CCNH: variants seen among roughly 807,000 people sequenced by gnomAD.
CCNH encodes cyclin-H.
Under a neutral mutation model 41.9 loss-of-function variants are expected in CCNH, and 31 were observed. The observed-to-expected ratio is 0.74, with a 90% CI of 0.56 to 1.00. The LOEUF (loss-of-function observed/expected upper bound fraction) is 1.00, where lower values mean the gene tolerates loss of function less well. Ranked by LOEUF, CCNH falls within the 50% of genes least tolerant of loss-of-function variation. The probability of loss-of-function intolerance (pLI) is 0.00; values close to 1 mark genes in which losing one functional copy is unlikely to be tolerated. For missense variants in CCNH, 362 were observed against 388.4 expected (o/e 0.93, Z 0.57); for synonymous variants, 138 against 136.1 (o/e 1.01, Z -0.10).
At chr5:87,352,781 G>A (rs1759368302) in intron 9 of CCNH, among the ~76,000 whole-genome samples, 1 of 151,292 alleles carries the variant, frequency 6.6e-6, no homozygotes, top group Non-Finnish European at 1.5e-5. Flanking sequence ...CTAAATAAAT[G>A]CCATGTTTCT....
At position 87,384,536 on chromosome 5, in the gene CCNH, C is replaced by T. The variant is rs184909478; in HGVS notation, c.*90+8234G>A. On this transcript the variant is annotated intron_variant and NMD_transcript_variant, in intron 9 of 9. Coordinates refer to the CCNH transcript ENST00000645953. ...ACATCTCTGTAATTATCTTTTATTG[C>T]TACTAAAGTGGTTAAATCTATAAAT... Among the ~76,000 whole-genome samples, 506 of 152,160 alleles carry T rather than the reference C, an allele frequency of 3.3e-3. 1 individual carries two copies. The highest frequency in any genetic ancestry group is 5.0e-3 in the Non-Finnish European group (339 of 67,968).
intron 9 of CCNH, among the ~76,000 whole-genome samples, chr5:87,327,962 G>A (rs535529929): frequency 4.8e-4 from 70 of 145,748 alleles, no homozygotes; most frequent in African/African-American, 1.7e-3. Context: ...GCAAGACTCC[G>A]TTTCCCAAAA....
intron 9 of CCNH, among the ~76,000 whole-genome samples, chr5:87,344,466 G>A (rs1390645272): frequency 1.3e-5 from 2 of 152,032 alleles, no homozygotes; most frequent in Non-Finnish European, 2.9e-5. Context: ...CTTATCATCT[G>A]TAGTTTCCTA....
In CCNH at chr5:87,356,422, C is replaced by G. The variant is rs189873794; in HGVS notation, c.*90+36348G>C. On this transcript the variant is annotated intron_variant and NMD_transcript_variant, in intron 9 of 9. Transcript: ENST00000645953. ...TTCTCCCTCCGGAGTCAGGGTCTTG[C>G]GCTGTGGCTGAGGCTGGAGTACAGT... 1.2e-3 allele frequency among the ~76,000 whole-genome samples: 174 copies of G among 150,432 alleles called. 1 individual carries two copies. The highest frequency in any genetic ancestry group is 4.2e-3 in the African/African-American group (170 of 40,778).
At chr5:87,411,964 G>A (rs368826195) in intron 1 of CCNH, among the ~76,000 whole-genome samples, 4 of 152,270 alleles carry the variant, frequency 2.6e-5, no homozygotes, top group Admixed American at 2.0e-4. Flanking sequence ...TCCGAGAGCT[G>A]TAACAGAAGG....
At chr5:87,356,383 ATTTT>A (rs11409141) in intron 9 of CCNH, among the ~76,000 whole-genome samples, 1 of 141,720 alleles carries the variant, frequency 7.1e-6, no homozygotes, top group African/African-American at 2.6e-5. Flanking sequence ...GATGATTGTT[ATTTT>A]TTTTTTTTTT....
intron 9 of CCNH, among the ~76,000 whole-genome samples, chr5:87,338,280 C>G (rs1758124561): frequency 6.6e-6 from 1 of 151,638 alleles, no homozygotes; most frequent in African/African-American, 2.4e-5. Context: ...TAATACATAG[C>G]TGCCAATATT....
downstream of CCNH, chr5:87,393,829 A>G (rs1762702441): frequency 6.6e-6 from 1 of 152,178 alleles, no homozygotes; most frequent in Non-Finnish European, 1.5e-5. Flanking sequence ...CTGAATATAC[A>G]ATTTGCTGCT....
In CCNH at chr5:87,411,316, G is replaced by C; in HGVS notation, c.148C>G (p.Pro50Ala). The change falls in exon 2 of 9, where the codon CCT becomes GCT. Residue 50 changes from proline (P) to alanine (A), a missense_variant. Pro to Ala is a conservative substitution (Grantham distance 27, BLOSUM62 -1). Transcript: ENST00000256897. ...VLPNDPVFLE[P>A]HEEMTLCKYY... Reference sequence around the variant, plus strand: ...TTGCAGAGTGTCATTTCTTCATGAGGCTCAAGAAAGACTGGATCATTCGGA... The same window carrying C: ...TTGCAGAGTGTCATTTCTTCATGAGCCTCAAGAAAGACTGGATCATTCGGA... 1 of 1,611,436 alleles carries C rather than the reference G, an allele frequency of 6.2e-7. No individual in the cohort carries two copies. The highest frequency in any genetic ancestry group is 8.5e-7 in the Non-Finnish European group (1 of 1,178,848).
chr5:87,394,067 C>T (rs1437816349), downstream of CCNH: 2 of 171,408 alleles, frequency 1.2e-5, no homozygotes, highest in African/African-American at 4.8e-5. Flanking sequence ...TTCAAAAAGC[C>T]ATTTATAAAG....
At chr5:87,331,689 A>G (rs1471439288) in intron 9 of CCNH, among the ~76,000 whole-genome samples, 1 of 152,184 alleles carries the variant, frequency 6.6e-6, no homozygotes, top group Non-Finnish European at 1.5e-5. Flanking sequence ...TTGTTTAAAA[A>G]CAATATTGTT....
downstream of CCNH, among the ~76,000 whole-genome samples, chr5:87,388,583 TTCAACCTATAC>T (rs1405882550): frequency 2.0e-5 from 3 of 152,206 alleles, no homozygotes; most frequent in Non-Finnish European, 2.9e-5. Context: ...TTGGGTGATA[TTCAACCTATAC>T]TATAAACTTT....
At chr5:87,322,438 C>T (rs1756895281) in intron 9 of CCNH, among the ~76,000 whole-genome samples, 1 of 152,192 alleles carries the variant, frequency 6.6e-6, no homozygotes, top group Non-Finnish European at 1.5e-5. Context: ...CTGAAATCAT[C>T]TTCCCTGACC....
chr5:87,400,541 C>T (rs1156567142), intron 6 of CCNH, among the ~76,000 whole-genome samples: 1 of 152,086 alleles, frequency 6.6e-6, no homozygotes, highest in African/African-American at 2.4e-5. Flanking sequence ...TAACTAAAGA[C>T]CTACAGTTTA....
At chr5:87,395,014 C>CTT in intron 8 of CCNH, 30 bp downstream of exon 8, 1 of 1,611,248 alleles carries the variant, frequency 6.2e-7, no homozygotes, top group Non-Finnish European at 8.5e-7. Flanking sequence ...ACAAAAATAA[C>CTT]TTAGAGTTCA....
At chr5:87,407,931 T>C (rs754752185) in intron 4 of CCNH, 45 bp downstream of exon 4, 9 of 1,383,704 alleles carry the variant, frequency 6.5e-6, no homozygotes, top group South Asian at 2.3e-5. Context: ...TGTTAAAGAA[T>C]AGGAAAGGAG....
At chr5:87,361,341 A>G (rs1028499329) in intron 9 of CCNH, among the ~76,000 whole-genome samples, 11 of 152,190 alleles carry the variant, frequency 7.2e-5, no homozygotes, top group Admixed American at 1.3e-4. Context: ...TGTAGCATTA[A>G]CTTGGGAATA....
At chr5:87,408,875 C>T (rs1475438426) in intron 3 of CCNH, among the ~76,000 whole-genome samples, 2 of 152,124 alleles carry the variant, frequency 1.3e-5, no homozygotes, top group Admixed American at 6.5e-5. Context: ...ACACAGCGCT[C>T]AGCAGAGAGC....
chr5:87,365,009 T>C (rs1760398581), intron 9 of CCNH, among the ~76,000 whole-genome samples: 1 of 152,174 alleles, frequency 6.6e-6, no homozygotes, highest in East Asian at 1.9e-4. Flanking sequence ...TATTCACTAC[T>C]AAATGTAGTT....
Sources: gnomAD v4.1 joint callset for allele counts (sites outside exome capture counted in the v4.1 genomes callset) on GRCh38, gnomAD v4.1.1 for gene constraint, MANE v1.5 for transcripts, NCBI Gene and HGNC (gene_info 2026-07-23, HGNC 2026-07-21) for gene names.